Variants in ZNF564 observed in about 807,000 individuals in gnomAD.
ZNF564 encodes the protein zinc finger protein 564.
A neutral mutation model predicts 10.5 loss-of-function variants in ZNF564; 5 were observed. The ratio of observed to expected loss-of-function variants is 0.48; its 90% CI spans 0.25 to 1.00. The LOEUF is 1.00. ZNF564 is among the 50% of genes least tolerant of loss of function. ZNF564 has a pLI of 0.16. For missense variants in ZNF564, 603 were observed against 669.7 expected (o/e 0.90, Z 1.10); for synonymous variants, 242 against 218.1 (o/e 1.11, Z -0.97).
intron 1 of ZNF564, among the ~76,000 whole-genome samples, chr19:12,532,362 C>T (rs1160876622): frequency 1.3e-5 from 2 of 150,760 alleles, no homozygotes; most frequent in African/African-American, 2.4e-5. Flanking sequence ...GGTGAAACCC[C>T]GTCTCTACTA....
intron 1 of ZNF564, among the ~76,000 whole-genome samples, chr19:12,533,585 G>C (rs1240992373): frequency 1.3e-5 from 2 of 151,906 alleles, no homozygotes; most frequent in African/African-American, 4.8e-5. Context: ...AAATTAGCTG[G>C]GTGTGGTGGC....
chr19:12,539,759 A>G (rs2022002080), intron 1 of ZNF564, among the ~76,000 whole-genome samples: 1 of 151,916 alleles, frequency 6.6e-6, no homozygotes, highest in Non-Finnish European at 1.5e-5. Flanking sequence ...GCGGATCACA[A>G]GGTCAGGAGA....
chr19:12,551,247 G>T (rs865809218), intron 1 of ZNF564, 83 bp downstream of exon 1: 8 of 1,477,796 alleles, frequency 5.4e-6, no homozygotes, highest in Middle Eastern at 2.0e-4. Flanking sequence ...CTGCAGGGAG[G>T]CCAGGGTGCT....
At chr19:12,530,803 G>A (rs754382633) in intron 1 of ZNF564, among the ~76,000 whole-genome samples, 13 of 152,092 alleles carry the variant, frequency 8.5e-5, no homozygotes, top group South Asian at 4.1e-4. Flanking sequence ...AACTTGCTCC[G>A]TCATCCACAC....
Position 12,528,715 on chromosome 19 carries a change from G to A in ZNF564, c.4-19C>T, listed in dbSNP as rs772738455. The stretch of plus-strand genomic sequence containing the variant: ...CTGAGTCCTAAAACATCCCAAATAT[G>A]CAATGCAGGAGGAAGAATGAGATGA... On this transcript the variant is annotated intron_variant, in intron 1 of 3. Transcript: ENST00000339282. 1.9e-6 allele frequency: 3 copies of A among 1,601,828 alleles called. No homozygotes were observed. Among genetic ancestry groups the A allele is most frequent in the Non-Finnish European group, 2.5e-6 (3 of 1,176,532 alleles).
chr19:12,547,151 C>T (rs1032950395), intron 1 of ZNF564, among the ~76,000 whole-genome samples: 1 of 152,162 alleles, frequency 6.6e-6, no homozygotes, highest in Non-Finnish European at 1.5e-5. Flanking sequence ...CTCACTGGAG[C>T]CTTGATCTTC....
intron 2 of ZNF564, 101 bp from the exon 3 acceptor site, chr19:12,528,465 C>A: frequency 1.3e-6 from 2 of 1,577,358 alleles, no homozygotes; most frequent in East Asian, 4.5e-5. Flanking sequence ...CTGATTTATT[C>A]ACCCAAGTAT....
rs545819097 is a variant in ZNF564 at position 12,535,594 on chromosome 19, CAT to C, written c.4-6900_4-6899del. ...TGAAACTACCCTAACAGAAATAACA[CAT>C]GTCATTAAACATTGTCAAAGTCCAG... On this transcript the variant is annotated intron_variant, in intron 1 of 3. Coordinates refer to ENST00000339282, the MANE Select transcript of ZNF564 (RefSeq NM_144976.4). Among the ~76,000 whole-genome samples the C allele has an allele frequency of 2.9e-3, 435 of 152,256 alleles. 6 individuals carry two copies. Among genetic ancestry groups the C allele is most frequent in the Admixed American group, 0.023 (356 of 15,280 alleles).
Position 12,526,715 on chromosome 19 carries a change from G to C in ZNF564, c.1393C>G (p.Arg465Gly). 1 of 1,614,060 alleles carries C rather than the reference G, an allele frequency of 6.2e-7. No individual in the cohort carries two copies. The change falls in exon 4 of 4, where the codon CGA becomes GGA. Residue 465 changes from arginine (R) to glycine (G), a missense_variant. Coordinates refer to ENST00000339282, the MANE Select transcript of ZNF564 (RefSeq NM_144976.4). ...CCAGTATGAGTTCTTTCATGTGTTC[G>C]GACAGAACTAGGACAGTCAAAGGCT... is the stretch of plus-strand genomic sequence containing the variant. ...GKAFDCPSSVRTHERTHTGEK... is the reference protein window; with the variant it reads ...GKAFDCPSSVGTHERTHTGEK...
At chr19:12,546,259 C>T (rs1056128355) in intron 1 of ZNF564, among the ~76,000 whole-genome samples, 1 of 152,200 alleles carries the variant, frequency 6.6e-6, no homozygotes, top group African/African-American at 2.4e-5. Flanking sequence ...TCTGTGGATA[C>T]AAAACCAAAT....
At chr19:12,548,249 GCT>G (rs1403287952) in intron 1 of ZNF564, 1 of 918,682 alleles carries the variant, frequency 1.1e-6, no homozygotes, top group Non-Finnish European at 1.3e-6. Flanking sequence ...ACGGAGTCTA[GCT>G]CTGTCGCCCA....
rs1036599158 is a variant in ZNF564, at chr19:12,526,198, C to G, written c.*248G>C. On this transcript the variant is annotated 3_prime_UTR_variant, in exon 4 of 4. Coordinates refer to ENST00000339282, the MANE Select transcript of ZNF564 (RefSeq NM_144976.4). Reference sequence around the variant, plus strand: ...AAACTCCAAAGTGTCATCTCAATATCACATCACTCAGATATGGATGAGACT... The same window carrying G: ...AAACTCCAAAGTGTCATCTCAATATGACATCACTCAGATATGGATGAGACT... 2.6e-6 allele frequency: 1 copy of G among 381,564 alleles called. No individual in the cohort carries two copies. Among genetic ancestry groups the G allele is most frequent in the Non-Finnish European group, 4.7e-6 (1 of 212,508 alleles). The allele number at this position is 381,564 out of a possible 1,614,324, so 23.6% of individuals were successfully genotyped here. A position where few individuals can be genotyped will look rare whatever the true frequency, so the allele number is the denominator to read the frequency against.
intron 1 of ZNF564, among the ~76,000 whole-genome samples, chr19:12,543,318 G>A (rs1185077831): frequency 1.6e-5 from 2 of 127,116 alleles, no homozygotes; most frequent in Non-Finnish European, 3.3e-5. Context: ...AAAAAAAAAA[G>A]AGAGAAGGGG....
Position 12,527,373 on chromosome 19 carries a change from A to T in ZNF564, c.735T>A (p.Ile245=). The part of the protein sequence containing the change: ...ISLPSFQRHM[I]RHTGDGPYKC... Reference sequence around the variant, plus strand: ...TATAAGGTCCATCTCCAGTGTGCCTAATCATGTGTCTTTGAAAACTTGGAA... The same window carrying T: ...TATAAGGTCCATCTCCAGTGTGCCTTATCATGTGTCTTTGAAAACTTGGAA... Residue 245 remains isoleucine (I), a synonymous_variant, in exon 4 of 4, where the codon ATT becomes ATA. Transcript: ENST00000339282. The T allele has an allele frequency of 6.2e-7, 1 of 1,613,988 alleles. No homozygotes were observed. The highest frequency in any genetic ancestry group is 2.2e-5 in the East Asian group (1 of 44,838).
At chr19:12,536,573 A>C (rs1199009054) in intron 1 of ZNF564, among the ~76,000 whole-genome samples, 1 of 152,196 alleles carries the variant, frequency 6.6e-6, no homozygotes, top group African/African-American at 2.4e-5. Flanking sequence ...GGAGCCCTGC[A>C]CTGTATATTC....
chr19:12,548,711 C>T (rs1419026551), intron 1 of ZNF564: 4 of 689,334 alleles, frequency 5.8e-6, no homozygotes, highest in Non-Finnish European at 7.9e-6. Flanking sequence ...AGAGACCTCA[C>T]ATTATTGTTA....
intron 1 of ZNF564, among the ~76,000 whole-genome samples, chr19:12,537,795 G>C (rs935906008): frequency 6.6e-6 from 1 of 151,664 alleles, no homozygotes; most frequent in Admixed American, 6.6e-5. Flanking sequence ...TTCCATTTTG[G>C]GTTGTTCAGT....
At chr19:12,545,040 C>A (rs961856911) in intron 1 of ZNF564, among the ~76,000 whole-genome samples, 1 of 152,006 alleles carries the variant, frequency 6.6e-6, no homozygotes, top group Non-Finnish European at 1.5e-5. Context: ...GGGTGGATCA[C>A]CTGAGGTCAG....
In ZNF564 at chr19:12,527,493, G is replaced by A; in HGVS notation, c.615C>T (p.Ala205=). The A allele has an allele frequency of 6.2e-7, 1 of 1,614,060 alleles. No individual in the cohort carries two copies. Among genetic ancestry groups the A allele is most frequent in the Non-Finnish European group, 8.5e-7 (1 of 1,179,982 alleles). ...GPYKCQECGK[A]FDRPSLFQIH... Reference sequence around the variant, plus strand: ...TCTGAAATAAACTTGGGCGATCAAAGGCTTTCCCACATTCCTGACATTTAT... The same window carrying A: ...TCTGAAATAAACTTGGGCGATCAAAAGCTTTCCCACATTCCTGACATTTAT... The change falls in exon 4 of 4, where the codon GCC becomes GCT. Residue 205 remains alanine (A), a synonymous_variant. Coordinates refer to ENST00000339282, the MANE Select transcript of ZNF564 (RefSeq NM_144976.4).
Sources: gnomAD v4.1 joint callset for allele counts (sites outside exome capture counted in the v4.1 genomes callset) on GRCh38, gnomAD v4.1.1 for gene constraint, MANE v1.5 for transcripts, NCBI Gene and HGNC (gene_info 2026-07-23, HGNC 2026-07-21) for gene names.